CD244: variants seen among roughly 807,000 people sequenced by gnomAD.
CD244 encodes natural killer cell receptor 2B4.
Under a neutral mutation model 45.5 loss-of-function variants are expected in CD244, and 20 were observed. The ratio of observed to expected loss-of-function variants is 0.44; its 90% confidence interval spans 0.31 to 0.64. The LOEUF (loss-of-function observed/expected upper bound fraction) is 0.64, where lower values mean the gene tolerates loss of function less well. CD244 is among the 30% of genes least tolerant of loss of function. CD244 has a pLI of 0.08. For missense variants in CD244, 407 were observed against 426.9 expected, an observed-to-expected ratio of 0.95 and a Z score of 0.41; for synonymous variants, 185 against 160.5, an observed-to-expected ratio of 1.15 and a Z score of -1.15.
intron 5 of CD244, 136 bp from the exon 6 acceptor site, chr1:160,836,390 A>G: frequency 1.4e-6 from 1 of 702,396 alleles, no homozygotes; most frequent in Non-Finnish European, 2.6e-6. Flanking sequence ...GGGGAGAGTC[A>G]TTGATCCTCC....
chr1:160,845,043 G>T (rs1669682849), intron 1 of CD244, among the ~76,000 whole-genome samples: 1 of 152,130 alleles, frequency 6.6e-6, no homozygotes, highest in Non-Finnish European at 1.5e-5. Flanking sequence ...GACCACACAT[G>T]CATGACTGAT....
At chr1:160,850,937 T>G (rs1669899367) in intron 1 of CD244, among the ~76,000 whole-genome samples, 1 of 152,174 alleles carries the variant, frequency 6.6e-6, no homozygotes, top group Admixed American at 6.5e-5. Flanking sequence ...CCTCCTTGGG[T>G]TCAATTAATT....
chr1:160,850,568 T>C (rs373335193), intron 1 of CD244, among the ~76,000 whole-genome samples: 1 of 152,220 alleles, frequency 6.6e-6, no homozygotes, highest in Admixed American at 6.5e-5. Context: ...AATATCAAGA[T>C]ATATTGTAAA....
rs776754632 is a variant in CD244, at chr1:160,841,845, G to C, written c.118C>G (p.Gln40Glu). ...ACCTTCGTCTGTATGCTGTTTGGTTGTAACTGAAGAGGCACTCCCGAGATG... is the reference window on the plus strand; with the variant it reads ...ACCTTCGTCTGTATGCTGTTTGGTTCTAACTGAAGAGGCACTCCCGAGATG... ...VSISGVPLQLQPNSIQTKVDS... is the reference protein window; with the variant it reads ...VSISGVPLQLEPNSIQTKVDS... The change falls in exon 2 of 9, where the codon CAA becomes GAA. Residue 40 changes from glutamine to glutamate, a missense_variant. Physicochemically the swap from Gln to Glu is conservative, Grantham distance 29. Transcript: ENST00000368034. 1.2e-5 allele frequency: 20 copies of C among 1,614,036 alleles called. No homozygotes were observed. The highest frequency in any genetic ancestry group is 1.7e-5 in the Non-Finnish European group (20 of 1,180,038).
chr1:160,857,689 G>A (rs1670159808), intron 1 of CD244, among the ~76,000 whole-genome samples: 1 of 152,202 alleles, frequency 6.6e-6, no homozygotes, highest in Non-Finnish European at 1.5e-5. Context: ...TCATTGAGAT[G>A]TACATTTGTA....
intron 8 of CD244, among the ~76,000 whole-genome samples, chr1:160,832,145 G>C (rs1449001915): frequency 6.6e-6 from 1 of 152,074 alleles, no homozygotes; most frequent in African/African-American, 2.4e-5. Context: ...CCAAAGACTT[G>C]CTAATTTTAG....
At chr1:160,845,234 T>A (rs1463423833) in intron 1 of CD244, among the ~76,000 whole-genome samples, 2 of 151,804 alleles carry the variant, frequency 1.3e-5, no homozygotes, top group Non-Finnish European at 2.9e-5. Flanking sequence ...AGAAATAAAA[T>A]GTAAAATAAC....
intron 1 of CD244, among the ~76,000 whole-genome samples, chr1:160,846,959 G>A (rs1034972483): frequency 6.6e-6 from 1 of 151,924 alleles, no homozygotes; most frequent in Admixed American, 6.6e-5. Context: ...AATACCTGTG[G>A]TAACCATTGA....
rs748353769 is a variant in CD244 at position 160,841,322 on chromosome 1, G to A, written c.543C>T (p.Asp181=). 31 of 1,613,998 alleles carry A rather than the reference G, an allele frequency of 1.9e-5. No homozygotes were observed. In the Admixed American group the frequency reaches 2.8e-4, roughly 15 times the overall value. The part of the protein sequence containing the change: ...IQTAGNLTYL[D]EEVDINGTHT... ...GAGTGCCATTAATGTCAACCTCCTC[G>A]TCCAGGTAGGTGAGGTTCCCTGCTG... Residue 181 remains aspartate, a synonymous_variant, in exon 3 of 9, where the codon GAC becomes GAT. Transcript: ENST00000368034.
At chr1:160,845,579 G>A (rs1354330653) in intron 1 of CD244, among the ~76,000 whole-genome samples, 2 of 152,182 alleles carry the variant, frequency 1.3e-5, no homozygotes, top group Non-Finnish European at 2.9e-5. Flanking sequence ...CGACAAGCTG[G>A]GCACGGTGGC....
At position 160,832,838 on chromosome 1, in the gene CD244, C is replaced by T. The variant is rs554142923; in HGVS notation, c.961-263G>A. Reference sequence around the variant, plus strand: ...ATTTGCTGTTCCATACCCACATACACCTAAAACCCATACACATATGTGTGT... The same window carrying T: ...ATTTGCTGTTCCATACCCACATACATCTAAAACCCATACACATATGTGTGT... On this transcript the variant is annotated intron_variant, in intron 7 of 8. Transcript: ENST00000368034. The T allele has an allele frequency of 1.2e-3, 548 of 471,584 alleles. 3 individuals are homozygous for T. The highest frequency in any genetic ancestry group is 7.1e-3 in the South Asian group (424 of 60,056). The allele number at this position is 471,584 out of a possible 1,614,324, so 29.2% of individuals were successfully genotyped here.
intron 6 of CD244, 52 bp downstream of exon 6, chr1:160,836,143 T>C: frequency 1.4e-6 from 2 of 1,385,040 alleles, no homozygotes; most frequent in Non-Finnish European, 2.1e-6. Flanking sequence ...AGGGGGGCAT[T>C]AGGAAACCCC....
chr1:160,841,932 G>T, intron 1 of CD244, 31 bp from the exon 2 acceptor site: 1 of 1,597,186 alleles, frequency 6.3e-7, no homozygotes, highest in East Asian at 2.2e-5. Flanking sequence ...TGAAAGTAGC[G>T]GGAAGAGTGT....
rs138354575 is a variant in CD244, at chr1:160,831,391, G to A, written c.1054C>T (p.Arg352Ter). 1.4e-5 allele frequency: 22 copies of A among 1,613,988 alleles called. No homozygotes were observed. The highest frequency in any genetic ancestry group is 1.6e-4 in the Middle Eastern group (1 of 6,084). The change falls in exon 9 of 9, where the codon CGA becomes TGA. Residue 352 changes from arginine (R) to a stop codon, truncating the protein, a stop_gained. Coordinates refer to ENST00000368034, the MANE Select transcript of CD244 (RefSeq NM_016382.4). LOFTEE classifies it high-confidence loss of function. ...KSQPKAQNPA[R>*]LSRKELENFD... ...TTCTCCAGCTCTTTGCGGCTCAATC[G>A]AGCAGGGTTCTGGGCTTTAGGTTGA...
intron 1 of CD244, among the ~76,000 whole-genome samples, chr1:160,844,815 C>T (rs903708350): frequency 2.0e-5 from 3 of 151,906 alleles, no homozygotes; most frequent in South Asian, 2.1e-4. Context: ...TCTCTACTAA[C>T]GATACAAAAA....
At chr1:160,849,283 C>CT (rs371170555) in intron 1 of CD244, among the ~76,000 whole-genome samples, 2,823 of 139,306 alleles carry the variant, frequency 0.02, 56 homozygotes, top group South Asian at 0.036. Context: ...CCATCTCTTT[C>CT]TTTTTTTTTT....
At chr1:160,850,206 G>GA (rs1669873093) in intron 1 of CD244, among the ~76,000 whole-genome samples, 2 of 151,830 alleles carry the variant, frequency 1.3e-5, no homozygotes, top group Admixed American at 6.6e-5. Flanking sequence ...ATGAAATTTT[G>GA]AAAACAATAC....
chr1:160,838,856 A>G (rs1279922101), intron 4 of CD244, 83 bp downstream of exon 4: 2 of 899,958 alleles, frequency 2.2e-6, no homozygotes, highest in Non-Finnish European at 3.5e-6. Context: ...CTGTGCTCCC[A>G]GACACATCCC....
At chr1:160,860,853 T>G (rs921521140) in intron 1 of CD244, among the ~76,000 whole-genome samples, 18 of 152,234 alleles carry the variant, frequency 1.2e-4, no homozygotes, top group African/African-American at 4.3e-4. Context: ...TTCAGTCAAC[T>G]TATGCCAGGC....
Sources: gnomAD v4.1 joint callset for allele counts (sites outside exome capture counted in the v4.1 genomes callset) on GRCh38, gnomAD v4.1.1 for gene constraint, MANE v1.5 for transcripts, NCBI Gene and HGNC (gene_info 2026-07-23, HGNC 2026-07-21) for gene names.